LMBR1: variants seen among roughly 807,000 people sequenced by gnomAD.
The protein encoded by LMBR1 is limb development membrane protein 1, also known as limb region 1 protein homolog.
LMBR1 carries 52 observed loss-of-function variants against 73.9 expected under a neutral mutation model. That is an observed-to-expected ratio of 0.70 (90% CI 0.56 to 0.89). The LOEUF (loss-of-function observed/expected upper bound fraction) is 0.89. Ranked by LOEUF, LMBR1 falls within the 40% of genes least tolerant of loss-of-function variation. The probability of loss-of-function intolerance (pLI) is 0.00; values close to 1 mark genes in which losing one functional copy is unlikely to be tolerated. For missense variants in LMBR1, 539 were observed against 579.8 expected, an observed-to-expected ratio of 0.93 and a Z score of 0.72; for synonymous variants, 215 against 209.4, an observed-to-expected ratio of 1.03 and a Z score of -0.23.
downstream of LMBR1, among the ~76,000 whole-genome samples, chr7:156,675,498 G>A (rs1304636406): frequency 1.3e-5 from 2 of 152,174 alleles, no homozygotes. Flanking sequence ...CCATCAGATA[G>A]GGGTTCTTGT....
At chr7:156,778,520 C>A (rs578162598) in intron 5 of LMBR1, among the ~76,000 whole-genome samples, 1 of 152,134 alleles carries the variant, frequency 6.6e-6, no homozygotes, top group Non-Finnish European at 1.5e-5. Context: ...TTACATAAAC[C>A]TTTTAAAAAG....
intron 4 of LMBR1, among the ~76,000 whole-genome samples, chr7:156,806,598 CTTTTTTTTTTTTTTTTTTT>C (rs71189962): frequency 2.2e-5 from 1 of 44,674 alleles, no homozygotes; most frequent in Non-Finnish European, 4.0e-5. Flanking sequence ...TTTGTAGATG[CTTTTTTTTTTTTTTTTTTT>C]TTTTTTTTTT....
intron 9 of LMBR1, among the ~76,000 whole-genome samples, chr7:156,745,619 T>C (rs1819710579): frequency 6.6e-6 from 1 of 152,168 alleles, no homozygotes; most frequent in Admixed American, 6.5e-5. Flanking sequence ...GCCAGCAAGA[T>C]CAGACAAACC....
At chr7:156,829,016 G>A (rs142224002) in intron 3 of LMBR1, among the ~76,000 whole-genome samples, 67 of 151,910 alleles carry the variant, frequency 4.4e-4, no homozygotes, top group African/African-American at 1.6e-3. Flanking sequence ...TTTCCTCTCC[G>A]CTTTTACGTG....
intron 12 of LMBR1, among the ~76,000 whole-genome samples, chr7:156,727,510 C>T (rs1489607920): frequency 1.3e-5 from 2 of 152,032 alleles, no homozygotes; most frequent in African/African-American, 4.8e-5. Context: ...TAGGATGAGG[C>T]ACCTGGAGCA....
intron 5 of LMBR1, among the ~76,000 whole-genome samples, chr7:156,780,063 A>C (rs113738298): frequency 0.032 from 4,836 of 152,296 alleles, 123 homozygotes; most frequent in South Asian, 0.084. Flanking sequence ...TTTGCTCCCA[A>C]GTAATCATTA....
chr7:156,757,791 C>T (rs1049009651), intron 8 of LMBR1, among the ~76,000 whole-genome samples: 5 of 152,200 alleles, frequency 3.3e-5, no homozygotes, highest in African/African-American at 9.6e-5. Context: ...ATTTATACAG[C>T]TGATGTGAAA....
intron 15 of LMBR1, among the ~76,000 whole-genome samples, chr7:156,701,842 T>G (rs1809777523): frequency 6.6e-6 from 1 of 152,182 alleles, no homozygotes; most frequent in Admixed American, 6.5e-5. Context: ...TGTATTCTCA[T>G]TGTTCAGTTC....
intron 10 of LMBR1, among the ~76,000 whole-genome samples, chr7:156,733,339 A>G (rs1817225712): frequency 6.6e-6 from 1 of 152,178 alleles, no homozygotes; most frequent in Admixed American, 6.5e-5. Context: ...AAGAACTAAC[A>G]CAAATGTTAG....
At chr7:156,727,728 A>C (rs183993228) in intron 12 of LMBR1, among the ~76,000 whole-genome samples, 1 of 152,356 alleles carries the variant, frequency 6.6e-6, no homozygotes, top group African/African-American at 2.4e-5. Context: ...ACTTGAAAAA[A>C]GGCCCTGTCA....
intron 9 of LMBR1, among the ~76,000 whole-genome samples, chr7:156,756,143 T>C (rs527275029): frequency 3.3e-5 from 5 of 152,310 alleles, no homozygotes; most frequent in African/African-American, 1.2e-4. Flanking sequence ...CAGTTGGCAG[T>C]AGAGAGGTGT....
chr7:156,676,265 A>G, downstream of LMBR1: 2 of 1,548,742 alleles, frequency 1.3e-6, no homozygotes, highest in Non-Finnish European at 1.7e-6. Context: ...ATGTATATAT[A>G]TAAATAAAAT....
At chr7:156,686,544 A>G (rs1806057758) in intron 16 of LMBR1, among the ~76,000 whole-genome samples, 1 of 152,188 alleles carries the variant, frequency 6.6e-6, no homozygotes, top group Non-Finnish European at 1.5e-5. Context: ...AATACTGAAA[A>G]ACACTGGGGA....
Position 156,763,720 on chromosome 7 carries a change from C to T in LMBR1, c.499G>A (p.Val167Ile), listed in dbSNP as rs1306708103. The stretch of plus-strand genomic sequence containing the variant: ...TCGTTGTCAATGAGTGCTGAAGCTA[C>T]CCACACTATCCCAAGAATGAGTAAC... ...LALLILGIVWVASALIDNDAA... is the reference protein window; with the variant it reads ...LALLILGIVWIASALIDNDAA... Residue 167 changes from valine to isoleucine, a missense_variant, in exon 6 of 17, where the codon GTA becomes ATA. By Grantham distance (29) the Val-to-Ile change is conservative. Coordinates refer to ENST00000353442, the MANE Select transcript of LMBR1 (RefSeq NM_022458.4). 6.2e-7 allele frequency: 1 copy of T among 1,605,656 alleles called. No individual in the cohort carries two copies. Among genetic ancestry groups the T allele is most frequent in the East Asian group, 2.3e-5 (1 of 44,120 alleles).
At chr7:156,749,647 T>G (rs1156755512) in intron 9 of LMBR1, among the ~76,000 whole-genome samples, 1 of 152,210 alleles carries the variant, frequency 6.6e-6, no homozygotes, top group Admixed American at 6.5e-5. Flanking sequence ...CAATATAATC[T>G]GTGCTTTTAA....
intron 1 of LMBR1, among the ~76,000 whole-genome samples, chr7:156,878,077 CA>C: frequency 6.6e-6 from 1 of 152,240 alleles, no homozygotes; most frequent in South Asian, 2.1e-4. Flanking sequence ...CCATCTATGA[CA>C]AACCCACAGC....
intron 15 of LMBR1, among the ~76,000 whole-genome samples, chr7:156,700,659 G>A (rs915530235): frequency 6.6e-6 from 1 of 152,040 alleles, no homozygotes; most frequent in Non-Finnish European, 1.5e-5. Context: ...AGCATTTTGG[G>A]CAAAGCCATT....
chr7:156,855,938 TAAAGG>T (rs1234993363), intron 1 of LMBR1, among the ~76,000 whole-genome samples: 1 of 152,044 alleles, frequency 6.6e-6, no homozygotes, highest in Non-Finnish European at 1.5e-5. Flanking sequence ...CTTTCAAAAA[TAAAGG>T]AGAGCACTTT....
intron 5 of LMBR1, among the ~76,000 whole-genome samples, chr7:156,765,286 T>C (rs1823879271): frequency 6.6e-6 from 1 of 152,080 alleles, no homozygotes; most frequent in African/African-American, 2.4e-5. Flanking sequence ...ATAGGGGTGG[T>C]TTCCCCCATG....
Sources: allele counts gnomAD v4.1 joint callset (sites outside exome capture counted in the v4.1 genomes callset), GRCh38; gene constraint gnomAD v4.1.1; transcripts MANE v1.5; gene names NCBI Gene and HGNC (gene_info 2026-07-23, HGNC 2026-07-21).